Variants in ASPRV1 observed in about 807,000 individuals in gnomAD.
ASPRV1 encodes the protein retroviral-like aspartic protease 1.
ASPRV1 carries 7 observed loss-of-function variants against 11.0 expected under a neutral mutation model. The observed-to-expected ratio is 0.64, with a 90% confidence interval of 0.36 to 1.20. The LOEUF (loss-of-function observed/expected upper bound fraction) is 1.20. Among genes scored for constraint, ASPRV1 ranks in the 50% most tolerant of loss-of-function variants. ASPRV1 has a pLI of 0.02. For missense variants in ASPRV1, 299 were observed against 320.0 expected, an observed-to-expected ratio of 0.93 and a Z score of 0.50; for synonymous variants, 136 against 138.4, an observed-to-expected ratio of 0.98 and a Z score of 0.12.
chr2:70,060,498 CAATA>C, the ASPRV1 span, among the ~76,000 whole-genome samples: 2 of 152,114 alleles, frequency 1.3e-5, no homozygotes, highest in Non-Finnish European at 1.5e-5. Flanking sequence ...GCAAAGGCAA[CAATA>C]CATACAAAGG....
chr2:70,086,929 C>G, the ASPRV1 span: 2 of 152,216 alleles, frequency 1.3e-5, no homozygotes, highest in South Asian at 2.1e-4. Flanking sequence ...CCATGCAGGG[C>G]GCCCGGACGC....
chr2:70,074,876 GGAA>G, the ASPRV1 span: 2 of 151,464 alleles, frequency 1.3e-5, no homozygotes, highest in African/African-American at 4.8e-5. Flanking sequence ...CAGCACTTTG[GGAA>G]GCCGAGGCAG....
At chr2:69,969,244 T>C in the ASPRV1 span, among the ~76,000 whole-genome samples, 2 of 152,168 alleles carry the variant, frequency 1.3e-5, no homozygotes, top group Non-Finnish European at 2.9e-5. Context: ...CTTTCTAATT[T>C]GCACACGGTG....
At chr2:69,949,862 C>T in the ASPRV1 span, among the ~76,000 whole-genome samples, 1 of 152,192 alleles carries the variant, frequency 6.6e-6, no homozygotes, top group East Asian at 1.9e-4. Context: ...TTCGTCCAGG[C>T]TGGAGTGCAA....
the ASPRV1 span, among the ~76,000 whole-genome samples, chr2:70,047,373 A>C: frequency 6.6e-6 from 1 of 152,228 alleles, no homozygotes; most frequent in African/African-American, 2.4e-5. Flanking sequence ...ACTCACTTTG[A>C]CAGGGGAGAC....
At chr2:70,008,918 G>C in the ASPRV1 span, among the ~76,000 whole-genome samples, 2 of 152,118 alleles carry the variant, frequency 1.3e-5, no homozygotes, top group South Asian at 2.1e-4. Flanking sequence ...CTCATCCTTT[G>C]ATGAGCCACT....
the ASPRV1 span, chr2:69,988,769 C>T: frequency 2.2e-6 from 1 of 456,634 alleles, no homozygotes; most frequent in Non-Finnish European, 4.4e-6. Flanking sequence ...CAGACGAGAG[C>T]TTATAACGAA....
At chr2:69,949,302 C>A in the ASPRV1 span, among the ~76,000 whole-genome samples, 1 of 150,314 alleles carries the variant, frequency 6.7e-6, no homozygotes, top group African/African-American at 2.5e-5. Flanking sequence ...AATGAACGAA[C>A]GAATTAACAC....
chr2:70,076,728 T>C, the ASPRV1 span, among the ~76,000 whole-genome samples: 3 of 152,346 alleles, frequency 2.0e-5, no homozygotes, highest in South Asian at 6.2e-4. Context: ...ATGCCTATTA[T>C]AAACTTGAAT....
rs745641281 is a variant in ASPRV1, at chr2:69,960,953, C to T, written c.484G>A (p.Ala162Thr). The T allele has an allele frequency of 6.2e-7, 1 of 1,614,096 alleles. No homozygotes were observed. The highest frequency in any genetic ancestry group is 8.5e-7 in the Non-Finnish European group (1 of 1,180,022). Residue 162 changes from alanine to threonine, a missense_variant, in exon 1 of 1, where the codon GCC becomes ACC. Ala to Thr is a moderately conservative substitution (Grantham distance 58, BLOSUM62 0). Coordinates refer to ENST00000320256, the MANE Select transcript of ASPRV1 (RefSeq NM_152792.4). ...LQPFENVVKV[A>T]NGAEMKILGV... ...AGGATCTTCATTTCAGCACCATTGG[C>T]CACCTTTACCACATTCTCAAAGGGC...
chr2:69,956,849 C>T (rs1026920410), downstream of ASPRV1, among the ~76,000 whole-genome samples: 6 of 152,126 alleles, frequency 3.9e-5, no homozygotes, highest in South Asian at 4.1e-4. Context: ...TATTCCTGCC[C>T]GAAACCCACA....
At chr2:69,959,986 C>T (rs1217806534), downstream of ASPRV1, 1 of 152,250 alleles carries the variant, frequency 6.6e-6, no homozygotes, top group Non-Finnish European at 1.5e-5. Context: ...TGTATATGTT[C>T]TTATACCTCC....
chr2:70,079,833 C>CA, the ASPRV1 span, among the ~76,000 whole-genome samples: 1 of 152,228 alleles, frequency 6.6e-6, no homozygotes, highest in African/African-American at 2.4e-5. Context: ...AATGAACACA[C>CA]AGAAGGGTTC....
the ASPRV1 span, among the ~76,000 whole-genome samples, chr2:70,082,154 T>C: frequency 2.6e-5 from 4 of 151,984 alleles, no homozygotes; most frequent in Non-Finnish European, 4.4e-5. Context: ...TGTGTGTGTG[T>C]GTGTATTTTT....
chr2:70,042,770 G>A, the ASPRV1 span, among the ~76,000 whole-genome samples: 5 of 152,166 alleles, frequency 3.3e-5, no homozygotes, highest in African/African-American at 1.2e-4. Context: ...ATTCCATTAA[G>A]GTAGGGGGTA....
At chr2:70,007,683 G>C in the ASPRV1 span, among the ~76,000 whole-genome samples, 1 of 152,004 alleles carries the variant, frequency 6.6e-6, no homozygotes, top group African/African-American at 2.4e-5. Context: ...TATAAAAAGA[G>C]CTATGTATAA....
rs552281264 is a variant in ASPRV1 at position 69,960,752 on chromosome 2, G to A, written c.685C>T (p.Leu229=). The change falls in exon 1 of 1, where the codon CTG becomes TTG. Residue 229 remains leucine, a synonymous_variant. Coordinates refer to ENST00000320256, the MANE Select transcript of ASPRV1 (RefSeq NM_152792.4). ...TCTTCCAGGGACCCTCCCACAGGCA[G>A]AAGGCGAAACTTCTTCCCTTTCAGG... ...CTLKGKKFRL[L]PVGGSLEDEF... is the part of the protein sequence containing the mutation. 1.2e-6 allele frequency: 2 copies of A among 1,614,156 alleles called. No individual in the cohort carries two copies. Among genetic ancestry groups the A allele is most frequent in the Non-Finnish European group, 1.7e-6 (2 of 1,180,022 alleles).
chr2:70,069,204 G>C, the ASPRV1 span: 1 of 152,096 alleles, frequency 6.6e-6, no homozygotes, highest in Non-Finnish European at 1.5e-5. Context: ...ACAGCTCTGG[G>C]GGAAAAAAAC....
chr2:70,025,841 G>T, the ASPRV1 span, among the ~76,000 whole-genome samples: 1 of 152,204 alleles, frequency 6.6e-6, no homozygotes, highest in Non-Finnish European at 1.5e-5. Context: ...GACCAGGCAT[G>T]TCCAAATGCA....
Sources: allele counts gnomAD v4.1 joint callset (sites outside exome capture counted in the v4.1 genomes callset), GRCh38; gene constraint gnomAD v4.1.1; transcripts MANE v1.5; gene names NCBI Gene and HGNC (gene_info 2026-07-23, HGNC 2026-07-21).